Variants in RBM10 observed in about 807,000 individuals in gnomAD.
RBM10 encodes RNA binding motif protein 10, also known as RNA-binding protein 10.
Under a neutral mutation model 84.9 loss-of-function variants are expected in RBM10, and 1 was observed. The ratio of observed to expected loss-of-function variants is 0.01; its 90% CI spans 0.00 to 0.06. The LOEUF (loss-of-function observed/expected upper bound fraction) is 0.06. Among genes scored for constraint, RBM10 ranks in the 10% least tolerant of loss-of-function variants. RBM10 has a pLI of 1.00. For synonymous variants in RBM10, 326 were observed against 344.5 expected (o/e 0.95, Z 0.60); for missense variants, 438 against 839.0 (o/e 0.52, Z 5.90).
At chrX:47,171,353 C>T (rs1196624489) in intron 4 of RBM10, 95 bp downstream of exon 4, 20 of 1,121,793 alleles carry the variant, frequency 1.8e-5, no homozygotes, top group African/African-American at 1.1e-4. Flanking sequence ...GCAACCTCAG[C>T]GCCTTTCATC....
intron 2 of RBM10, among the ~76,000 whole-genome samples, chrX:47,147,726 A>T (rs1932419217): frequency 9.0e-6 from 1 of 111,018 alleles, no homozygotes. Flanking sequence ...CTCAGTACTC[A>T]GGGTGTCACA....
rs1183938120 is a variant in RBM10 at position 47,185,977 on chromosome X, T to C, written c.2431-88T>C. On this transcript the variant is annotated intron_variant, in intron 21 of 23. Coordinates refer to ENST00000377604, the MANE Select transcript of RBM10 (RefSeq NM_005676.5). Reference sequence around the variant, plus strand: ...CCTGAGCCTCATTAGCCAGATGGCATGCCCTGTGGGACCCCACTCCCCATG... The same window carrying C: ...CCTGAGCCTCATTAGCCAGATGGCACGCCCTGTGGGACCCCACTCCCCATG... 6.9e-6 allele frequency: 8 copies of C among 1,155,726 alleles called. No homozygotes were observed. In the African/African-American group the frequency reaches 8.9e-5, roughly 13 times the overall value.
intron 2 of RBM10, among the ~76,000 whole-genome samples, chrX:47,167,143 T>A (rs1934290289): frequency 9.0e-6 from 1 of 111,421 alleles, no homozygotes; most frequent in African/African-American, 3.3e-5. Context: ...TATTTTTATC[T>A]GTGAATTCTG....
intron 2 of RBM10, among the ~76,000 whole-genome samples, chrX:47,159,870 G>C (rs1556766289): frequency 2.7e-5 from 3 of 112,444 alleles, no homozygotes; most frequent in South Asian, 7.3e-4. Context: ...AGGCGCGGTG[G>C]CTCATGCCTG....
intron 4 of RBM10, among the ~76,000 whole-genome samples, chrX:47,172,867 C>T (rs1556774047): frequency 8.9e-6 from 1 of 112,506 alleles, no homozygotes; most frequent in African/African-American, 3.2e-5. Context: ...CCCTGAGGGT[C>T]GTCCTGCTGC....
intron 2 of RBM10, among the ~76,000 whole-genome samples, chrX:47,158,395 G>A (rs1556765855): frequency 9.0e-6 from 1 of 111,590 alleles, no homozygotes; most frequent in Non-Finnish European, 1.9e-5. Flanking sequence ...TGGAGCTCAC[G>A]GCCCACATAC....
chrX:47,152,813 A>T, intron 2 of RBM10, among the ~76,000 whole-genome samples: 1 of 100,699 alleles, frequency 9.9e-6, no homozygotes, highest in Middle Eastern at 5.3e-3. Context: ...ACACACACAC[A>T]CACGTTTTTT....
At chrX:47,157,025 G>T in intron 2 of RBM10, 1 of 297,973 alleles carries the variant, frequency 3.4e-6, no homozygotes, top group Admixed American at 3.6e-5. Flanking sequence ...GCCCCATCTG[G>T]TTGTTGATGA....
intron 2 of RBM10, among the ~76,000 whole-genome samples, chrX:47,163,868 T>A (rs1556767678): frequency 6.7e-5 from 3 of 44,504 alleles, no homozygotes; most frequent in South Asian, 2.3e-3. Flanking sequence ...AATTTTTTTT[T>A]TTTTTTTTTT....
chrX:47,176,000 C>G (rs1344446887), intron 6 of RBM10, among the ~76,000 whole-genome samples: 6 of 113,006 alleles, frequency 5.3e-5, no homozygotes, highest in Non-Finnish European at 9.4e-5. Flanking sequence ...CAGGACCCAG[C>G]CATCCATGGG....
chrX:47,163,876 T>G (rs1933941866), intron 2 of RBM10, among the ~76,000 whole-genome samples: 1 of 51,655 alleles, frequency 1.9e-5, no homozygotes. Flanking sequence ...TTTTTTTTTT[T>G]TTTTTTTTTT....
In RBM10 at chrX:47,186,735, C is replaced by A; in HGVS notation, c.*136C>A. 2 of 822,301 alleles carry A rather than the reference C, an allele frequency of 2.4e-6. No individual in the cohort carries two copies. The highest frequency in any genetic ancestry group is 3.6e-6 in the Non-Finnish European group (2 of 558,377). 67.8% of individuals were successfully genotyped at this position (822,301 alleles called of 1,213,427 possible). A position where few individuals can be genotyped will look rare whatever the true frequency, so the allele number is the denominator to read the frequency against. The stretch of plus-strand genomic sequence containing the variant: ...CCAGCCAGAGAGGGCTTGACCAAAT[C>A]AAATTGAGGTGGTGACTTTTGTTGG... On this transcript the variant is annotated 3_prime_UTR_variant, in exon 24 of 24. Coordinates refer to ENST00000377604, the MANE Select transcript of RBM10 (RefSeq NM_005676.5).
In RBM10 at chrX:47,171,117, C is replaced by T. The variant is rs781839957; in HGVS notation, c.291C>T (p.Pro97=). The change falls in exon 4 of 24, where the codon CCC becomes CCT. Residue 97 remains proline, a synonymous_variant. Coordinates refer to ENST00000377604, the MANE Select transcript of RBM10 (RefSeq NM_005676.5). ...GCCCCACCGGCCCGCCAGGCTTCCC[C>T]CGAGACGGCGACTATCGGGACCAGG... ...RHSPTGPPGF[P]RDGDYRDQDY... is the part of the protein sequence containing the mutation. 2 of 1,208,976 alleles carry T rather than the reference C, an allele frequency of 1.7e-6. No individual in the cohort carries two copies. Among genetic ancestry groups the T allele is most frequent in the East Asian group, 3.0e-5 (1 of 33,712 alleles).
Position 47,147,321 on chromosome X carries a change from C to T in RBM10, c.-125-36C>T, listed in dbSNP as rs1044111676. ...CTCAAGGAGGCCCTCTCAGTCCCAA[C>T]AGTTTTGACCCCTTTCTTCCCTCCA... On this transcript the variant is annotated intron_variant, in intron 1 of 23. Transcript: ENST00000377604. 7.8e-6 allele frequency: 9 copies of T among 1,155,086 alleles called. No homozygotes were observed. The African/African-American group carries it at 1.6e-4, about 21-fold the overall frequency.
At chrX:47,146,387 G>A in intron 1 of RBM10, among the ~76,000 whole-genome samples, 1 of 111,868 alleles carries the variant, frequency 8.9e-6, no homozygotes, top group Admixed American at 9.4e-5. Context: ...ATTGGAGTGT[G>A]TTTGTCTGTG....
rs781972466 is a variant in RBM10 at position 47,185,382 on chromosome X, CAG to C, written c.2166+20_2166+21del. The C allele has an allele frequency of 8.4e-6, 10 of 1,188,709 alleles. No homozygotes were observed. In the South Asian group the frequency reaches 1.5e-4, roughly 18 times the overall value. On this transcript the variant is annotated intron_variant, in intron 19 of 23. Coordinates refer to ENST00000377604, the MANE Select transcript of RBM10 (RefSeq NM_005676.5). ...ACGACCGCCCAGTGAGTGCCCAAGG[CAG>C]AGAGGGGCGGGGGCTCTGATCTGGC...
In RBM10 at chrX:47,186,542, G is replaced by C. The variant is rs782099256; in HGVS notation, c.2736G>C (p.Glu912Asp). ...GCTCCTACGGGGTCACCTCAACCGA[G>C]TCCTACAAGGAGACACTGCACAAGA... ...RGSSYGVTST[E>D]SYKETLHKTM... Residue 912 changes from glutamate (E) to aspartate (D), a missense_variant, in exon 24 of 24, where the codon GAG (glutamate) becomes GAC (aspartate). This residue lies in a region of RBM10 where 92 missense variants were observed against 199.9 expected (regional missense o/e 0.46). Coordinates refer to ENST00000377604, the MANE Select transcript of RBM10 (RefSeq NM_005676.5). 3 of 1,211,863 alleles carry C rather than the reference G, an allele frequency of 2.5e-6. No homozygotes were observed. Among genetic ancestry groups the C allele is most frequent in the Non-Finnish European group, 3.4e-6 (3 of 895,467 alleles).
chrX:47,152,949 C>A (rs1399934766), intron 2 of RBM10, among the ~76,000 whole-genome samples: 3 of 111,288 alleles, frequency 2.7e-5, no homozygotes, highest in Non-Finnish European at 5.7e-5. Context: ...TGCATTCAAG[C>A]GATTCTCCTG....
chrX:47,164,679 A>G lies in RBM10; in HGVS notation c.18-4636A>G, dbSNP rs1383023066. On this transcript the variant is annotated intron_variant, in intron 2 of 23. Transcript: ENST00000377604. ...TTGTGCAACACTGGTAGGAATGTAAAATGGTACAGCTGCTGTGGAAAACAG... is the reference window on the plus strand; with the variant it reads ...TTGTGCAACACTGGTAGGAATGTAAGATGGTACAGCTGCTGTGGAAAACAG... Among the ~76,000 whole-genome samples the G allele has an allele frequency of 5.4e-5, 6 of 111,915 alleles. No individual in the cohort carries two copies. In the Admixed American group the frequency reaches 5.7e-4, roughly 11 times the overall value.
Sources: gnomAD v4.1 joint callset for allele counts (sites outside exome capture counted in the v4.1 genomes callset) on GRCh38, gnomAD v4.1.1 for gene constraint, gnomAD v4.1.1 regional missense constraint, MANE v1.5 for transcripts, NCBI Gene and HGNC (gene_info 2026-07-23, HGNC 2026-07-21) for gene names.